Variants in CENPK observed in about 807,000 individuals in gnomAD.
CENPK encodes the protein centromere protein K, also known as SoxLZ/Sox6-binding protein Solt.
A neutral mutation model predicts 40.9 loss-of-function variants in CENPK; 46 were observed. The ratio of observed to expected loss-of-function variants is 1.13; its 90% CI spans 0.89 to 1.44. CENPK has a LOEUF of 1.44. Ranked by LOEUF, CENPK falls within the 40% of genes most tolerant of loss-of-function variation. The pLI is 0.00. For synonymous variants in CENPK, 107 were observed against 104.4 expected (o/e 1.02, Z -0.15); for missense variants, 288 against 303.5 (o/e 0.95, Z 0.38).
chr5:65,525,833 G>C (rs1744607562), intron 9 of CENPK, among the ~76,000 whole-genome samples: 1 of 151,624 alleles, frequency 6.6e-6, no homozygotes, highest in Non-Finnish European at 1.5e-5. Flanking sequence ...CAGTGAGCAA[G>C]TGGTCACCTA....
chr5:65,538,831 T>C (rs1747435453), intron 6 of CENPK, among the ~76,000 whole-genome samples: 1 of 152,198 alleles, frequency 6.6e-6, no homozygotes, highest in Non-Finnish European at 1.5e-5. Context: ...GATATATAGG[T>C]AAGAAGTTAG....
chr5:65,562,252 T>C (rs1752112692), intron 1 of CENPK, among the ~76,000 whole-genome samples: 1 of 152,182 alleles, frequency 6.6e-6, no homozygotes, highest in Admixed American at 6.5e-5. Context: ...GTGGAGATGC[T>C]TTCAAGCATA....
At chr5:65,538,812 C>T (rs563949073) in intron 6 of CENPK, among the ~76,000 whole-genome samples, 5 of 152,264 alleles carry the variant, frequency 3.3e-5, no homozygotes, top group African/African-American at 9.6e-5. Flanking sequence ...CATATACTTC[C>T]GGTTCTCAGA....
chr5:65,559,068 T>C (rs960218516), intron 2 of CENPK, among the ~76,000 whole-genome samples: 1 of 152,200 alleles, frequency 6.6e-6, no homozygotes, highest in Non-Finnish European at 1.5e-5. Flanking sequence ...TGAGGATGTC[T>C]ACCCCACATC....
intron 6 of CENPK, among the ~76,000 whole-genome samples, chr5:65,534,931 AAAG>A (rs1438208336): frequency 2.0e-5 from 3 of 152,210 alleles, no homozygotes; most frequent in Non-Finnish European, 4.4e-5. Context: ...GAGAAAATGA[AAAG>A]AAGTCGGGCA....
intron 9 of CENPK, among the ~76,000 whole-genome samples, chr5:65,523,767 T>C (rs1744177265): frequency 1.3e-5 from 2 of 152,156 alleles, no homozygotes; most frequent in South Asian, 4.1e-4. Flanking sequence ...AAACTGATAT[T>C]GAATAACCAA....
At chr5:65,557,623 T>C (rs1423717337) in intron 2 of CENPK, among the ~76,000 whole-genome samples, 1 of 152,238 alleles carries the variant, frequency 6.6e-6, no homozygotes, top group African/African-American at 2.4e-5. Flanking sequence ...CGATCATTTC[T>C]GACAATTAAG....
chr5:65,508,061 G>A, the CENPK span, among the ~76,000 whole-genome samples: 1 of 152,162 alleles, frequency 6.6e-6, no homozygotes, highest in East Asian at 1.9e-4. Context: ...TGAGACATCT[G>A]ATTACCTGTG....
intron 6 of CENPK, among the ~76,000 whole-genome samples, chr5:65,533,086 G>T (rs990629701): frequency 1.3e-5 from 2 of 151,868 alleles, no homozygotes; most frequent in African/African-American, 4.8e-5. Context: ...TAGGCCAGGG[G>T]CGGTGGCTCA....
chr5:65,514,084 T>C (rs1742681888), downstream of CENPK, among the ~76,000 whole-genome samples: 1 of 152,138 alleles, frequency 6.6e-6, no homozygotes, highest in Admixed American at 6.5e-5. Flanking sequence ...GTATAGTTTT[T>C]TGTTATATAT....
chr5:65,512,841 C>T (rs1161338348), downstream of CENPK, among the ~76,000 whole-genome samples: 2 of 152,196 alleles, frequency 1.3e-5, no homozygotes, highest in African/African-American at 4.8e-5. Context: ...ACATCCTCAT[C>T]AGCCTTTGGT....
intron 5 of CENPK, among the ~76,000 whole-genome samples, chr5:65,547,910 C>G (rs374598477): frequency 6.6e-6 from 1 of 152,086 alleles, no homozygotes; most frequent in Non-Finnish European, 1.5e-5. Flanking sequence ...ATGATCCACC[C>G]GCCTCGGTCT....
At position 65,545,322 on chromosome 5, in the gene CENPK, GCGCACACACACACACACACACACA is replaced by G. The variant is rs1358315656; in HGVS notation, c.242-2498_242-2475del. Among the ~76,000 whole-genome samples, 453 of 133,114 alleles carry G rather than the reference GCGCACACACACACACACACACACA, an allele frequency of 3.4e-3. 10 individuals are homozygous for G. Among genetic ancestry groups the G allele is most frequent in the East Asian group, 0.014 (66 of 4,728 alleles). 87.3% of individuals were successfully genotyped at this position (133,114 alleles called of 152,430 possible). ...AAGACAAAGAAAAAGTCCTCAAAGC[GCGCACACACACACACACACACACA>G]CACACACACACACACACACACACAC... On this transcript the variant is annotated intron_variant, in intron 5 of 10. Transcript: ENST00000396679.
intron 6 of CENPK, among the ~76,000 whole-genome samples, chr5:65,542,572 G>A (rs1748160985): frequency 1.3e-5 from 2 of 152,054 alleles, no homozygotes; most frequent in Admixed American, 6.5e-5. Flanking sequence ...GGGAGGCAGA[G>A]GTTACAGTGA....
chr5:65,510,017 A>T, the CENPK span, among the ~76,000 whole-genome samples: 27 of 152,290 alleles, frequency 1.8e-4, no homozygotes, highest in Middle Eastern at 3.4e-3. Flanking sequence ...CCCTCTCCTT[A>T]AGCCTCCATA....
At chr5:65,534,399 G>C (rs1250934464) in intron 6 of CENPK, among the ~76,000 whole-genome samples, 1 of 152,112 alleles carries the variant, frequency 6.6e-6, no homozygotes, top group African/African-American at 2.4e-5. Flanking sequence ...ATGGAAATAT[G>C]AAACAATTTT....
intron 5 of CENPK, 102 bp from the exon 6 acceptor site, chr5:65,542,950 A>G: frequency 1.1e-6 from 1 of 932,472 alleles, no homozygotes; most frequent in African/African-American, 1.7e-5. Flanking sequence ...TTCCATCTCC[A>G]TTTATATAAT....
downstream of CENPK, among the ~76,000 whole-genome samples, chr5:65,517,394 C>T (rs1185979605): frequency 6.6e-6 from 1 of 151,862 alleles, no homozygotes; most frequent in Non-Finnish European, 1.5e-5. Flanking sequence ...TAAAAAGTTG[C>T]TCACTTCTTC....
At chr5:65,521,451 A>G (rs1294358208) in intron 10 of CENPK, 24 bp downstream of exon 10, 1 of 1,594,158 alleles carries the variant, frequency 6.3e-7, no homozygotes, top group Non-Finnish European at 8.6e-7. Flanking sequence ...CTTCAAGACA[A>G]AACAAACTAC....
Sources: gnomAD v4.1 joint callset for allele counts (sites outside exome capture counted in the v4.1 genomes callset) on GRCh38, gnomAD v4.1.1 for gene constraint, MANE v1.5 for transcripts, NCBI Gene and HGNC (gene_info 2026-07-23, HGNC 2026-07-21) for gene names.